CDK6: variants seen among roughly 807,000 people sequenced by gnomAD.
CDK6 encodes cyclin dependent kinase 6.
CDK6 carries 6 observed loss-of-function variants against 37.1 expected under a neutral mutation model. The ratio of observed to expected loss-of-function variants is 0.16; its 90% CI spans 0.09 to 0.32. CDK6 has a LOEUF of 0.32. Among genes scored for constraint, CDK6 ranks in the 10% least tolerant of loss-of-function variants. CDK6 has a pLI of 1.00. For missense variants in CDK6, 224 were observed against 418.9 expected (o/e 0.53, Z 4.06); for synonymous variants, 160 against 161.3 (o/e 0.99, Z 0.06).
intron 2 of CDK6, among the ~76,000 whole-genome samples, chr7:92,780,197 C>A (rs576410723): frequency 5.2e-4 from 79 of 152,252 alleles, no homozygotes; most frequent in African/African-American, 1.8e-3. Flanking sequence ...GCCTCGAACT[C>A]CTGACCTCAA....
chr7:92,750,997 A>G (rs912157635), intron 3 of CDK6, among the ~76,000 whole-genome samples: 3 of 152,202 alleles, frequency 2.0e-5, no homozygotes, highest in Admixed American at 2.0e-4. Flanking sequence ...TTTGATCATT[A>G]CAAGAATTGA....
chr7:92,783,789 A>G (rs1800056201), intron 2 of CDK6, among the ~76,000 whole-genome samples: 1 of 152,222 alleles, frequency 6.6e-6, no homozygotes, highest in Non-Finnish European at 1.5e-5. Flanking sequence ...CACGATCAGC[A>G]ACAGAACTGA....
At chr7:92,760,646 A>C (rs1799430920) in intron 3 of CDK6, among the ~76,000 whole-genome samples, 1 of 152,162 alleles carries the variant, frequency 6.6e-6, no homozygotes, top group Admixed American at 6.5e-5. Context: ...TTAATGTTGT[A>C]TGGCACTAAC....
intron 5 of CDK6, among the ~76,000 whole-genome samples, chr7:92,643,297 T>C (rs1237100899): frequency 3.3e-5 from 5 of 152,356 alleles, no homozygotes; most frequent in Admixed American, 1.3e-4. Context: ...AAAGAGGTGA[T>C]CCAGAGGAGT....
At chr7:92,791,700 G>A (rs934620369) in intron 2 of CDK6, among the ~76,000 whole-genome samples, 9 of 152,142 alleles carry the variant, frequency 5.9e-5, no homozygotes, top group South Asian at 2.1e-4. Context: ...AACATACCTC[G>A]AGGGGAAGTG....
In CDK6 at chr7:92,610,598, A is replaced by T. The variant is rs1795542867; in HGVS notation, c.*4542T>A. On this transcript the variant is annotated 3_prime_UTR_variant, in exon 8 of 8. Transcript: ENST00000424848. ...GGGATGTATTAAAATTGGGTTGTGA[A>T]TTGCATTGATATAGAAAGGGAGTAA... 1 of 227,796 alleles carries T rather than the reference A, an allele frequency of 4.4e-6. No individual in the cohort carries two copies. The highest frequency in any genetic ancestry group is 8.7e-6 in the Non-Finnish European group (1 of 114,842). The allele number at this position is 227,796 out of a possible 1,614,324, so 14.1% of individuals were successfully genotyped here.
chr7:92,651,832 C>T (rs560945455), intron 5 of CDK6, among the ~76,000 whole-genome samples: 85 of 151,892 alleles, frequency 5.6e-4, no homozygotes, highest in Non-Finnish European at 1.1e-3. Flanking sequence ...TAGGGAGGCC[C>T]TGGGATCTTG....
intron 3 of CDK6, among the ~76,000 whole-genome samples, chr7:92,771,569 T>C (rs1424512423): frequency 1.3e-5 from 2 of 152,214 alleles, no homozygotes; most frequent in South Asian, 2.1e-4. Context: ...TAAATAACCA[T>C]ACAGAATGTG....
At chr7:92,678,030 T>C (rs932938217) in intron 4 of CDK6, among the ~76,000 whole-genome samples, 1 of 152,234 alleles carries the variant, frequency 6.6e-6, no homozygotes, top group Non-Finnish European at 1.5e-5. Context: ...CAGAAGCTTA[T>C]TTTTATTTGA....
At chr7:92,713,959 T>TC in intron 4 of CDK6, among the ~76,000 whole-genome samples, 1 of 152,142 alleles carries the variant, frequency 6.6e-6, no homozygotes, top group Non-Finnish European at 1.5e-5. Flanking sequence ...CTCCTCTACC[T>TC]CCTCTACTCA....
intron 2 of CDK6, among the ~76,000 whole-genome samples, chr7:92,819,866 G>T (rs1801127425): frequency 6.6e-6 from 1 of 151,826 alleles, no homozygotes; most frequent in African/African-American, 2.4e-5. Flanking sequence ...CCAGAGAAAA[G>T]AGATGAATTA....
chr7:92,648,856 A>C (rs1408540236), intron 5 of CDK6, among the ~76,000 whole-genome samples: 1 of 152,240 alleles, frequency 6.6e-6, no homozygotes, highest in Non-Finnish European at 1.5e-5. Flanking sequence ...CTATGGATAC[A>C]CATACATAAA....
At chr7:92,827,886 A>G (rs191818130) in intron 2 of CDK6, among the ~76,000 whole-genome samples, 148 of 152,318 alleles carry the variant, frequency 9.7e-4, no homozygotes, top group African/African-American at 3.5e-3. Flanking sequence ...GTTCCTCAGA[A>G]GGCATGGAAA....
Position 92,834,652 on chromosome 7 carries a change from G to C in CDK6, c.-367-962C>G, listed in dbSNP as rs1315215734. Among the ~76,000 whole-genome samples, 1 of 133,734 alleles carries C rather than the reference G, an allele frequency of 7.5e-6. No homozygotes were observed. The highest frequency in any genetic ancestry group is 7.9e-5 in the Admixed American group (1 of 12,618). The allele number at this position is 133,734 out of a possible 152,430, so 87.7% of individuals were successfully genotyped here. A position where few individuals can be genotyped will look rare whatever the true frequency, so the allele number is the denominator to read the frequency against. On this transcript the variant is annotated intron_variant, in intron 1 of 7. Transcript: ENST00000424848. This position sits in a 1 kb window ranked among gnomAD's most constrained non-coding sequence, Gnocchi z 4.6. ...AAGTTTTAAACTGATTTCGACCTGA[G>C]CAAAACTCAACCTCCCTTTCAAAGG...
intron 5 of CDK6, among the ~76,000 whole-genome samples, chr7:92,630,110 CCTT>C (rs1206720467): frequency 1.3e-5 from 2 of 151,988 alleles, no homozygotes; most frequent in African/African-American, 4.8e-5. Context: ...AGTAACACGT[CCTT>C]CTTCATATTA....
intron 4 of CDK6, among the ~76,000 whole-genome samples, chr7:92,712,801 CAT>C (rs1408652587): frequency 6.6e-6 from 1 of 152,056 alleles, no homozygotes; most frequent in African/African-American, 2.4e-5. Context: ...GGTATAAGAA[CAT>C]GTGAGTTTCT....
chr7:92,639,710 C>T (rs1202779052), intron 5 of CDK6, among the ~76,000 whole-genome samples: 3 of 152,170 alleles, frequency 2.0e-5, no homozygotes, highest in South Asian at 4.1e-4. Flanking sequence ...CATTTGCCAA[C>T]GGTTTCCTTT....
At chr7:92,667,364 AT>A (rs1796980378) in intron 5 of CDK6, among the ~76,000 whole-genome samples, 1 of 151,452 alleles carries the variant, frequency 6.6e-6, no homozygotes, top group South Asian at 2.1e-4. Context: ...TGTTCAGCTA[AT>A]TTTTTATTTT....
At chr7:92,665,592 A>C (rs1391423904) in intron 5 of CDK6, among the ~76,000 whole-genome samples, 1 of 152,162 alleles carries the variant, frequency 6.6e-6, no homozygotes, top group Admixed American at 6.5e-5. Context: ...TATATTTCCT[A>C]GGTATTTCAT....
Sources: gnomAD v4.1 joint callset for allele counts (sites outside exome capture counted in the v4.1 genomes callset) on GRCh38, gnomAD v4.1.1 for gene constraint, Gnocchi (gnomAD v3.1) non-coding constraint, MANE v1.5 for transcripts, NCBI Gene and HGNC (gene_info 2026-07-23, HGNC 2026-07-21) for gene names.